The following TRAK1 variants were observed in gnomAD, a reference collection of about 807,000 sequenced individuals.
The protein encoded by TRAK1 is trafficking kinesin-binding protein 1.
Under a neutral mutation model 92.1 loss-of-function variants are expected in TRAK1, and 33 were observed. The observed-to-expected ratio is 0.36, with a 90% CI of 0.27 to 0.48. The LOEUF (loss-of-function observed/expected upper bound fraction) is 0.48. TRAK1 is among the 20% of genes least tolerant of loss of function. The pLI is 0.99. For synonymous variants in TRAK1, 521 were observed against 517.3 expected (o/e 1.01, Z -0.10); for missense variants, 1,123 against 1,257.9 (o/e 0.89, Z 1.62).
At chr3:42,094,883 G>C (rs1037438032) in intron 1 of TRAK1, among the ~76,000 whole-genome samples, 2 of 152,188 alleles carry the variant, frequency 1.3e-5, no homozygotes, top group African/African-American at 2.4e-5. Context: ...CAGTCCAAAG[G>C]CTTGACAGGA....
At chr3:42,031,202 A>T (rs1702133722) in intron 1 of TRAK1, among the ~76,000 whole-genome samples, 2 of 149,960 alleles carry the variant, frequency 1.3e-5, no homozygotes, top group African/African-American at 2.5e-5. Flanking sequence ...TGCCTGGCTA[A>T]TTTTTTTTGT....
intron 1 of TRAK1, among the ~76,000 whole-genome samples, chr3:42,103,709 A>T (rs961438486): frequency 6.6e-6 from 1 of 152,176 alleles, no homozygotes; most frequent in Non-Finnish European, 1.5e-5. Context: ...CAGATCCAGG[A>T]GGAGTGGTTC....
chr3:42,225,150 C>G lies in TRAK1; in HGVS notation c.*1413C>G, dbSNP rs561694766. ...AGTTTCAGTCATAGTGTGTCTGTGG[C>G]ATTCCAGTCCAACCATGTGACTTAT... On this transcript the variant is annotated 3_prime_UTR_variant, in exon 16 of 16. Coordinates refer to ENST00000327628, the MANE Select transcript of TRAK1 (RefSeq NM_001042646.3). 1.6e-4 allele frequency: 25 copies of G among 152,324 alleles called. No homozygotes were observed. Among genetic ancestry groups the G allele is most frequent in the African/African-American group, 5.5e-4 (23 of 41,572 alleles). 9.4% of individuals were successfully genotyped at this position (152,324 alleles called of 1,614,324 possible).
chr3:42,033,607 A>C (rs1702227159), intron 1 of TRAK1, among the ~76,000 whole-genome samples: 3 of 127,430 alleles, frequency 2.4e-5, no homozygotes, highest in African/African-American at 7.4e-5. Flanking sequence ...ATCAATCAAT[A>C]ATCTGTGATT....
intron 13 of TRAK1, chr3:42,203,508 T>G: frequency 1.0e-6 from 1 of 984,482 alleles, no homozygotes; most frequent in Non-Finnish European, 1.2e-6. Context: ...TTTTTTTTTT[T>G]TTTTTTTAAT....
chr3:42,191,594 G>A lies in TRAK1; in HGVS notation c.727G>A (p.Glu243Lys). 1 of 1,603,994 alleles carries A rather than the reference G, an allele frequency of 6.2e-7. No homozygotes were observed. The highest frequency in any genetic ancestry group is 1.1e-5 in the South Asian group (1 of 88,424). Residue 243 changes from glutamate to lysine, a missense_variant, in exon 7 of 16, where the codon GAG (glutamate) becomes AAG (lysine). Physicochemically the swap from Glu to Lys is moderately conservative, Grantham distance 56 (BLOSUM62 1). Transcript: ENST00000327628. ...QLKTETITYE[E>K]KEQQLVNDCV... ...GAAGACAGAGACCATCACCTATGAG[G>A]AGAAGGAGCAGCAGCTGGTCAATGA...
chr3:42,080,862 A>G (rs1441995145), intron 1 of TRAK1, among the ~76,000 whole-genome samples: 3 of 152,104 alleles, frequency 2.0e-5, no homozygotes, highest in Non-Finnish European at 4.4e-5. Context: ...GTCATTTTAC[A>G]TGTTTGACTA....
chr3:42,022,320 A>G (rs1452230245), intron 1 of TRAK1, among the ~76,000 whole-genome samples: 1 of 152,220 alleles, frequency 6.6e-6, no homozygotes, highest in Non-Finnish European at 1.5e-5. Flanking sequence ...TTATTACAGC[A>G]GTGGATAAAA....
At chr3:42,086,082 T>G (rs1704657282), upstream of TRAK1, among the ~76,000 whole-genome samples, 1 of 152,162 alleles carries the variant, frequency 6.6e-6, no homozygotes, top group South Asian at 2.1e-4. Flanking sequence ...CTGTTTGACG[T>G]TTTGTGTGTA....
chr3:42,025,657 G>A (rs1428116246), intron 1 of TRAK1, among the ~76,000 whole-genome samples: 3 of 149,772 alleles, frequency 2.0e-5, no homozygotes, highest in Non-Finnish European at 3.0e-5. Flanking sequence ...AATGAAAGCC[G>A]TGGAGGAAAT....
At chr3:42,124,707 T>C (rs1019539744) in intron 1 of TRAK1, among the ~76,000 whole-genome samples, 2 of 152,172 alleles carry the variant, frequency 1.3e-5, no homozygotes, top group Non-Finnish European at 2.9e-5. Context: ...ACTTAATAAG[T>C]GTAGTAACTG....
intron 2 of TRAK1, among the ~76,000 whole-genome samples, chr3:42,138,876 G>GTGTGT (rs1553730371): frequency 0.09 from 10,701 of 118,726 alleles, 906 homozygotes; most frequent in East Asian, 0.14. Context: ...AAGCATAGGG[G>GTGTGT]GTGTGTGTGT....
intron 1 of TRAK1, among the ~76,000 whole-genome samples, chr3:42,019,902 C>T (rs1268368580): frequency 1.3e-5 from 2 of 152,206 alleles, no homozygotes; most frequent in Non-Finnish European, 2.9e-5. Flanking sequence ...TTATGTTTGT[C>T]TGAGGACCAT....
intron 11 of TRAK1, among the ~76,000 whole-genome samples, 158 bp downstream of exon 11, chr3:42,199,411 G>A (rs757041540): frequency 2.6e-5 from 4 of 152,176 alleles, no homozygotes; most frequent in Admixed American, 2.6e-4. Context: ...ACAGCTGACA[G>A]CATCCCTCAG....
At chr3:42,071,995 G>C (rs540288180) in intron 1 of TRAK1, among the ~76,000 whole-genome samples, 1 of 152,312 alleles carries the variant, frequency 6.6e-6, no homozygotes, top group East Asian at 1.9e-4. Context: ...AGAGAACCCT[G>C]CTTCAGGTTC....
chr3:42,017,400 G>A (rs1701568164), intron 1 of TRAK1, among the ~76,000 whole-genome samples: 1 of 152,210 alleles, frequency 6.6e-6, no homozygotes, highest in African/African-American at 2.4e-5. Context: ...GCTTATGTGG[G>A]TTCTTAGGTT....
chr3:42,131,797 C>T (rs1417954307), intron 2 of TRAK1, among the ~76,000 whole-genome samples: 1 of 151,564 alleles, frequency 6.6e-6, no homozygotes, highest in Non-Finnish European at 1.5e-5. Context: ...GTGGCTCACG[C>T]CTGTAATCCC....
At chr3:42,221,045 T>C (rs1278234637) in intron 15 of TRAK1, among the ~76,000 whole-genome samples, 2 of 145,738 alleles carry the variant, frequency 1.4e-5, no homozygotes, top group African/African-American at 2.6e-5. Flanking sequence ...GAACAAAGCC[T>C]GGGAAGTCAG....
At chr3:42,030,633 A>G (rs1702095662) in intron 1 of TRAK1, among the ~76,000 whole-genome samples, 1 of 135,596 alleles carries the variant, frequency 7.4e-6, no homozygotes, top group African/African-American at 2.8e-5. Flanking sequence ...AGATTGCACC[A>G]CTGCACTGCA....
Sources: gnomAD v4.1 joint callset for allele counts (sites outside exome capture counted in the v4.1 genomes callset) on GRCh38, gnomAD v4.1.1 for gene constraint, MANE v1.5 for transcripts, NCBI Gene and HGNC (gene_info 2026-07-23, HGNC 2026-07-21) for gene names.